CCDC3: variants seen among roughly 807,000 people sequenced by gnomAD.
CCDC3 encodes coiled-coil domain containing 3, also known as coiled-coil domain-containing protein 3.
Under a neutral mutation model 21.4 loss-of-function variants are expected in CCDC3, and 24 were observed. The ratio of observed to expected loss-of-function variants is 1.12; its 90% confidence interval spans 0.81 to 1.58. The LOEUF is 1.58. CCDC3 is among the 40% of genes most tolerant of loss of function. The pLI, the probability that CCDC3 is intolerant of heterozygous loss-of-function variation, is 0.00. For missense variants in CCDC3, 425 were observed against 360.9 expected (o/e 1.18, Z -1.44); for synonymous variants, 186 against 166.0 (o/e 1.12, Z -0.93).
At chr10:12,977,055 C>G (rs969760799) in intron 2 of CCDC3, among the ~76,000 whole-genome samples, 5 of 152,188 alleles carry the variant, frequency 3.3e-5, no homozygotes, top group African/African-American at 1.2e-4. Context: ...GGGCAGATCA[C>G]TTGAGGTCAG....
At chr10:12,981,320 C>T (rs1835494324) in intron 2 of CCDC3, among the ~76,000 whole-genome samples, 1 of 151,346 alleles carries the variant, frequency 6.6e-6, no homozygotes, top group Admixed American at 6.6e-5. Context: ...GGTAGAATTA[C>T]AGGCACCTGC....
intron 4 of CCDC3, among the ~76,000 whole-genome samples, chr10:13,065,796 A>G (rs905593809): frequency 6.6e-6 from 1 of 152,244 alleles, no homozygotes; most frequent in Non-Finnish European, 1.5e-5. Flanking sequence ...TCAATCATAC[A>G]TCAATGTCAT....
Position 12,951,693 on chromosome 10 carries a change from T to C in CCDC3, c.549+46645A>G, listed in dbSNP as rs1039187640. ...GATGGCATGCGCCTGTAGTCCCAGT[T>C]ACTCAGGAGGCTGAGGCAGGAGAAT... On this transcript the variant is annotated intron_variant, in intron 2 of 2. Transcript: ENST00000378825. 2.7e-5 allele frequency among the ~76,000 whole-genome samples: 4 copies of C among 147,066 alleles called. No individual in the cohort carries two copies. In the Admixed American group the frequency reaches 2.8e-4, roughly 10 times the overall value.
chr10:12,973,924 A>G (rs1466254756), intron 2 of CCDC3, among the ~76,000 whole-genome samples: 2 of 148,234 alleles, frequency 1.3e-5, no homozygotes, highest in South Asian at 2.1e-4. Context: ...ATCACAAACA[A>G]TCTCCGACTT....
chr10:12,980,479 G>C (rs911849558), intron 2 of CCDC3, among the ~76,000 whole-genome samples: 5 of 152,198 alleles, frequency 3.3e-5, no homozygotes, highest in Non-Finnish European at 7.3e-5. Context: ...AAAGGGGAGA[G>C]CTGAATCTGC....
chr10:12,924,097 C>T (rs979432074), intron 2 of CCDC3, among the ~76,000 whole-genome samples: 3 of 152,202 alleles, frequency 2.0e-5, no homozygotes, highest in African/African-American at 7.2e-5. Context: ...GCTTTAAGCA[C>T]CTACTATCAT....
intron 5 of CCDC3, among the ~76,000 whole-genome samples, chr10:13,017,757 A>G (rs1836089466): frequency 6.6e-6 from 1 of 152,110 alleles, no homozygotes; most frequent in Admixed American, 6.6e-5. Flanking sequence ...CACTGGGGCC[A>G]CAGCAATGAA....
chr10:12,933,775 T>C (rs1834690748), intron 2 of CCDC3, among the ~76,000 whole-genome samples: 2 of 152,150 alleles, frequency 1.3e-5, no homozygotes, highest in African/African-American at 4.8e-5. Context: ...TCTTTTATTA[T>C]CCTTTAAATG....
At chr10:12,928,319 G>A (rs1834578974) in intron 2 of CCDC3, among the ~76,000 whole-genome samples, 1 of 152,184 alleles carries the variant, frequency 6.6e-6, no homozygotes, top group African/African-American at 2.4e-5. Flanking sequence ...CCAGGCACAA[G>A]AGAGAAGAAT....
intron 5 of CCDC3, among the ~76,000 whole-genome samples, chr10:13,048,382 C>T (rs774390544): frequency 2.6e-5 from 4 of 152,070 alleles, no homozygotes; most frequent in South Asian, 2.1e-4. Flanking sequence ...TTACTAGAGA[C>T]GGGGTTTCAC....
rs993967416 is a variant in CCDC3, at chr10:13,093,235, G to A, written c.-503+5290C>T. On this transcript the variant is annotated intron_variant, in intron 3 of 6. Transcript: ENST00000378839. ...AGGCCTCACAATCATAGCGGAAGGC[G>A]AAAAGCACATCTTACATGGCGGCAG... 5.9e-5 allele frequency among the ~76,000 whole-genome samples: 9 copies of A among 152,218 alleles called. 1 individual carries two copies. The highest frequency in any genetic ancestry group is 1.2e-4 in the African/African-American group (5 of 41,534).
intron 2 of CCDC3, among the ~76,000 whole-genome samples, chr10:12,986,591 G>A (rs1190372207): frequency 2.6e-5 from 4 of 152,094 alleles, no homozygotes; most frequent in African/African-American, 4.8e-5. Context: ...TAGCTAACAT[G>A]GTGAAACCCC....
At chr10:13,019,501 C>T (rs942715378) in intron 5 of CCDC3, among the ~76,000 whole-genome samples, 4 of 152,090 alleles carry the variant, frequency 2.6e-5, no homozygotes, top group African/African-American at 4.8e-5. Flanking sequence ...TCTGTGTTCT[C>T]GTTGTAGAGG....
intron 5 of CCDC3, among the ~76,000 whole-genome samples, chr10:13,038,374 C>CAAAAAAAAA (rs58667035): frequency 7.1e-5 from 7 of 98,844 alleles, no homozygotes; most frequent in South Asian, 3.2e-4. Flanking sequence ...AGTTGGAAAG[C>CAAAAAAAAA]AAAAAAAAAA....
At chr10:12,939,305 C>T (rs1371536) in intron 2 of CCDC3, among the ~76,000 whole-genome samples, 10 of 152,132 alleles carry the variant, frequency 6.6e-5, no homozygotes, top group African/African-American at 9.7e-5. Flanking sequence ...TTAAGCTGCA[C>T]GAGAAGAAAT....
chr10:13,040,007 A>C (rs1347596936), intron 5 of CCDC3, among the ~76,000 whole-genome samples: 1 of 151,980 alleles, frequency 6.6e-6, no homozygotes, highest in East Asian at 1.9e-4. Flanking sequence ...CCAGCTTGAT[A>C]GTCTATGAAT....
chr10:12,951,014 C>T (rs1834999369), intron 2 of CCDC3, among the ~76,000 whole-genome samples: 1 of 152,180 alleles, frequency 6.6e-6, no homozygotes, highest in South Asian at 2.1e-4. Flanking sequence ...TCACTCTGCA[C>T]AGTAGCTTGG....
At chr10:12,980,297 C>T (rs1024708847) in intron 2 of CCDC3, among the ~76,000 whole-genome samples, 6 of 152,366 alleles carry the variant, frequency 3.9e-5, no homozygotes, top group East Asian at 1.9e-4. Context: ...GCCAGGGGAA[C>T]TGAAGCTTGA....
At chr10:13,034,779 C>T (rs971348207) in intron 5 of CCDC3, among the ~76,000 whole-genome samples, 2 of 152,098 alleles carry the variant, frequency 1.3e-5, no homozygotes, top group Admixed American at 1.3e-4. Flanking sequence ...AATCCCAGCA[C>T]TTTGGGCGGC....
Sources: gnomAD v4.1 joint callset for allele counts (sites outside exome capture counted in the v4.1 genomes callset) on GRCh38, gnomAD v4.1.1 for gene constraint, MANE v1.5 for transcripts, NCBI Gene and HGNC (gene_info 2026-07-23, HGNC 2026-07-21) for gene names.